The following SPNS3 variants were observed in gnomAD, a reference collection of about 807,000 sequenced individuals.
The protein encoded by SPNS3 is protein spinster homolog 3.
SPNS3 carries 51 observed loss-of-function variants against 54.4 expected under a neutral mutation model. The ratio of observed to expected loss-of-function variants is 0.94; its 90% CI spans 0.75 to 1.18. SPNS3 has a LOEUF of 1.18. SPNS3 is among the 50% of genes most tolerant of loss of function. SPNS3 has a pLI of 0.00. For synonymous variants in SPNS3, 309 were observed against 294.7 expected, an observed-to-expected ratio of 1.05 and a Z score of -0.50; for missense variants, 669 against 677.4, an observed-to-expected ratio of 0.99 and a Z score of 0.14.
rs568665209 is a variant in SPNS3, at chr17:4,482,087, C to T, written c.1179+3450C>T. 750 of 152,346 alleles carry T rather than the reference C, an allele frequency of 4.9e-3. 6 individuals carry two copies. Among genetic ancestry groups the T allele is most frequent in the Middle Eastern group, 0.013 (4 of 302 alleles). The allele number at this position is 152,346 out of a possible 1,614,324, so 9.4% of individuals were successfully genotyped here. A position where few individuals can be genotyped will look rare whatever the true frequency, so the allele number is the denominator to read the frequency against. On this transcript the variant is annotated intron_variant, in intron 9 of 11. Transcript: ENST00000355530. ...TATTTTTAGTAGAGACGGGGTTCAC[C>T]ATGTTGGCCAGGATGGTCTCGATCT...
chr17:4,464,268 C>T (rs946843086), intron 8 of SPNS3, among the ~76,000 whole-genome samples: 55 of 152,334 alleles, frequency 3.6e-4, no homozygotes, highest in African/African-American at 1.3e-3. Flanking sequence ...GGTCCAGACA[C>T]GCACACAGCA....
In SPNS3 at chr17:4,481,873, G is replaced by GCT. The variant is rs144206113; in HGVS notation, c.1179+3249_1179+3250dup. On this transcript the variant is annotated intron_variant, in intron 9 of 11. Transcript: ENST00000355530. ...CAGATCATCCCTTCCTTGGGACACT[G>GCT]CTCTCTCTCTCTCTTTTTTTTTTTT... is the stretch of plus-strand genomic sequence containing the variant. 8.1e-5 allele frequency: 6 copies of GCT among 73,874 alleles called. No individual in the cohort carries two copies. The South Asian group carries it at 1.0e-3, about 12-fold the overall frequency. 4.6% of individuals were successfully genotyped at this position (73,874 alleles called of 1,614,324 possible).
rs544743434 is a variant in SPNS3 at position 4,486,078 on chromosome 17, G to A, written c.1180-150G>A. ...CTTGATGTCTTGATGTTCTGGGGTG[G>A]GACTTTAGACCTTGGGGACCGTCGA... is the stretch of plus-strand genomic sequence containing the variant. On this transcript the variant is annotated intron_variant, in intron 9 of 11. Transcript: ENST00000355530. The surrounding 1 kb of genome is among the most constrained non-coding windows in gnomAD (Gnocchi z 5.5). The A allele has an allele frequency of 5.0e-6, 3 of 595,270 alleles. No individual in the cohort carries two copies. The East Asian group carries it at 9.7e-5, about 19-fold the overall frequency. The allele number at this position is 595,270 out of a possible 1,614,324, so 36.9% of individuals were successfully genotyped here.
At chr17:4,468,671 T>A (rs1971750900) in intron 8 of SPNS3, among the ~76,000 whole-genome samples, 1 of 152,122 alleles carries the variant, frequency 6.6e-6, no homozygotes, top group Non-Finnish European at 1.5e-5. Flanking sequence ...TTTGAGGTGC[T>A]TCTTAGGACA....
At chr17:4,479,153 G>A (rs1248045028) in intron 9 of SPNS3, among the ~76,000 whole-genome samples, 2 of 152,204 alleles carry the variant, frequency 1.3e-5, no homozygotes, top group Non-Finnish European at 2.9e-5. Flanking sequence ...TATTGGCGAG[G>A]CTGGTCTTGA....
At chr17:4,462,152 T>A (rs868490600) in intron 8 of SPNS3, among the ~76,000 whole-genome samples, 1 of 1,678 alleles carries the variant, frequency 6.0e-4, no homozygotes. Flanking sequence ...CATCCATCCA[T>A]CCATCCATCC....
At chr17:4,441,799 T>TG (rs138017223) in intron 2 of SPNS3, among the ~76,000 whole-genome samples, 32,346 of 127,604 alleles carry the variant, frequency 0.25, 3,793 homozygotes, top group Middle Eastern at 0.4. Context: ...GGGGGTGTGT[T>TG]GGGGGGGGTC....
In SPNS3 at chr17:4,483,155, G is replaced by A. The variant is rs771544006; in HGVS notation, c.1180-3073G>A. ...CACCCTCTCAGGGGCGTCTGGGGGCGAGGCCTGGGTGGGGGTGCAGGAGGC... is the reference window on the plus strand; with the variant it reads ...CACCCTCTCAGGGGCGTCTGGGGGCAAGGCCTGGGTGGGGGTGCAGGAGGC... On this transcript the variant is annotated intron_variant, in intron 9 of 11. Coordinates refer to ENST00000355530, the MANE Select transcript of SPNS3 (RefSeq NM_182538.5). This position sits in a 1 kb window ranked among gnomAD's most constrained non-coding sequence, Gnocchi z 4.2. Among the ~76,000 whole-genome samples, 4 of 152,214 alleles carry A rather than the reference G, an allele frequency of 2.6e-5. No individual in the cohort carries two copies. Among genetic ancestry groups the A allele is most frequent in the South Asian group, 2.1e-4 (1 of 4,834 alleles).
Position 4,461,361 on chromosome 17 carries a change from C to CTTTTTTTTTTTTTTTTTTTTTT in SPNS3, c.1113+8161_1113+8182dup, listed in dbSNP as rs55928003. 1.2e-3 allele frequency among the ~76,000 whole-genome samples: 40 copies of CTTTTTTTTTTTTTTTTTTTTTT among 33,420 alleles called. 6 individuals are homozygous for CTTTTTTTTTTTTTTTTTTTTTT. Among genetic ancestry groups the CTTTTTTTTTTTTTTTTTTTTTT allele is most frequent in the South Asian group, 2.9e-3 (2 of 690 alleles). The allele number at this position is 33,420 out of a possible 152,430, so 21.9% of individuals were successfully genotyped here. On this transcript the variant is annotated intron_variant, in intron 8 of 11. Coordinates refer to ENST00000355530, the MANE Select transcript of SPNS3 (RefSeq NM_182538.5). ...TATTTGCTTTCTTTTCTTTTCTTTT[C>CTTTTTTTTTTTTTTTTTTTTTT]TTTTTTTTTTTTTTTTTTTTTTTTT...
At chr17:4,472,466 T>C (rs1971879816) in intron 8 of SPNS3, among the ~76,000 whole-genome samples, 1 of 152,184 alleles carries the variant, frequency 6.6e-6, no homozygotes, top group Admixed American at 6.5e-5. Flanking sequence ...ACACCTGGGC[T>C]CTGCTCTGTC....
chr17:4,436,020 A>ATCCC (rs535363281), intron 1 of SPNS3, among the ~76,000 whole-genome samples: 3 of 79,472 alleles, frequency 3.8e-5, no homozygotes, highest in Non-Finnish European at 8.0e-5. Flanking sequence ...CCGGCTGAGC[A>ATCCC]CTAACTGTGG....
chr17:4,468,882 G>A (rs1218517155), intron 8 of SPNS3, among the ~76,000 whole-genome samples: 1 of 150,890 alleles, frequency 6.6e-6, no homozygotes, highest in Non-Finnish European at 1.5e-5. Context: ...TCCACCTCCC[G>A]GGTTCAAGTG....
intron 1 of SPNS3, among the ~76,000 whole-genome samples, chr17:4,435,800 C>T (rs993955930): frequency 2.0e-5 from 3 of 152,090 alleles, no homozygotes; most frequent in African/African-American, 7.2e-5. Context: ...GGCGTGGTGG[C>T]TCACGCCTGT....
chr17:4,458,419 CTTCT>C (rs962525869), intron 8 of SPNS3, among the ~76,000 whole-genome samples: 2 of 112,638 alleles, frequency 1.8e-5, no homozygotes, highest in Non-Finnish European at 3.7e-5. Context: ...TTTTCTTTTT[CTTCT>C]TTCTTTCCTT....
chr17:4,472,166 A>AT (rs1289387966), intron 8 of SPNS3, among the ~76,000 whole-genome samples: 1 of 151,854 alleles, frequency 6.6e-6, no homozygotes, highest in Non-Finnish European at 1.5e-5. Flanking sequence ...GCCAAGTTGG[A>AT]TTTTTTTCTC....
rs1972213009 is a variant in SPNS3 at position 4,483,005 on chromosome 17, C to G, written c.1180-3223C>G. ...CCAGCCACAGGCTCATCTCCCACCC[C>G]TCAGCAGACGTCCCCACAGTTCCCC... On this transcript the variant is annotated intron_variant, in intron 9 of 11. Transcript: ENST00000355530. The surrounding 1 kb of genome is among the most constrained non-coding windows in gnomAD (Gnocchi z 4.2). Among the ~76,000 whole-genome samples the G allele has an allele frequency of 6.6e-6, 1 of 152,228 alleles. No individual in the cohort carries two copies. Among genetic ancestry groups the G allele is most frequent in the Non-Finnish European group, 1.5e-5 (1 of 68,032 alleles).
intron 7 of SPNS3, among the ~76,000 whole-genome samples, chr17:4,451,717 G>T (rs966831821): frequency 2.0e-5 from 3 of 151,826 alleles, no homozygotes; most frequent in African/African-American, 7.3e-5. Context: ...GCCCAGGCTG[G>T]AGTGCAGTGG....
chr17:4,468,759 T>TTCTTTCTTTCTTTCTC (rs1971763254), intron 8 of SPNS3, among the ~76,000 whole-genome samples: 2 of 143,684 alleles, frequency 1.4e-5, no homozygotes, highest in South Asian at 2.1e-4. Flanking sequence ...CTTTCTTTCT[T>TTCTTTCTTTCTTTCTC]TCTCTCTTTC....
chr17:4,434,507 T>TTTA (rs1970664179), intron 1 of SPNS3, among the ~76,000 whole-genome samples: 3 of 151,790 alleles, frequency 2.0e-5, no homozygotes, highest in Non-Finnish European at 2.9e-5. Context: ...TTATTTATTT[T>TTTA]TTTTTTTGAG....
Sources: gnomAD v4.1 joint callset for allele counts (sites outside exome capture counted in the v4.1 genomes callset) on GRCh38, gnomAD v4.1.1 for gene constraint, Gnocchi (gnomAD v3.1) non-coding constraint, MANE v1.5 for transcripts, NCBI Gene and HGNC (gene_info 2026-07-23, HGNC 2026-07-21) for gene names.